The following BCKDHB variants were observed in gnomAD, a reference collection of about 807,000 sequenced individuals.
BCKDHB encodes branched chain keto acid dehydrogenase E1 subunit beta, also known as 2-oxoisovalerate dehydrogenase subunit beta, mitochondrial.
In BCKDHB, 41 loss-of-function variants were observed where a neutral mutation model predicts 48.5. The ratio of observed to expected loss-of-function variants is 0.85; its 90% confidence interval spans 0.66 to 1.10. BCKDHB has a LOEUF of 1.10. BCKDHB is among the 50% of genes least tolerant of loss of function. The probability of loss-of-function intolerance (pLI) is 0.00; values close to 1 mark genes in which losing one functional copy is unlikely to be tolerated. For synonymous variants in BCKDHB, 201 were observed against 174.8 expected, an observed-to-expected ratio of 1.15 and a Z score of -1.18; for missense variants, 496 against 494.2, an observed-to-expected ratio of 1.00 and a Z score of -0.03.
rs76272821 is a variant in BCKDHB, at chr6:80,321,654, T to G, written c.1039-22010T>G. 1.9e-4 allele frequency among the ~76,000 whole-genome samples: 29 copies of G among 152,332 alleles called. No homozygotes were observed. In the East Asian group the frequency reaches 5.6e-3, roughly 29 times the overall value. On this transcript the variant is annotated intron_variant, in intron 9 of 9. Transcript: ENST00000320393. ...CCAGAGACTTGAACTTTGCCTAAAG[T>G]TTAAAACAGGAATTTTTTAAATCCC... is the stretch of plus-strand genomic sequence containing the variant.
intron 9 of BCKDHB, among the ~76,000 whole-genome samples, chr6:80,332,566 T>C (rs1350756100): frequency 6.6e-6 from 1 of 152,130 alleles, no homozygotes; most frequent in Non-Finnish European, 1.5e-5. Flanking sequence ...AAATATTTTC[T>C]AATCTGTCAA....
intron 9 of BCKDHB, among the ~76,000 whole-genome samples, chr6:80,275,741 C>A (rs767147495): frequency 3.3e-5 from 5 of 151,796 alleles, no homozygotes; most frequent in Non-Finnish European, 7.4e-5. Context: ...ATATACCTTT[C>A]AGTAACTCTT....
chr6:80,393,957 CAT>C, the BCKDHB span, among the ~76,000 whole-genome samples: 19 of 152,252 alleles, frequency 1.2e-4, no homozygotes, highest in African/African-American at 1.4e-4. Context: ...CACCTTCACA[CAT>C]GTTTGTTCTT....
chr6:80,363,176 A>G, the BCKDHB span, among the ~76,000 whole-genome samples: 7 of 152,314 alleles, frequency 4.6e-5, no homozygotes, highest in South Asian at 1.5e-3. Context: ...ATTTTTAGCA[A>G]AACAAATAGT....
chr6:80,402,909 A>G, the BCKDHB span, among the ~76,000 whole-genome samples: 1 of 151,760 alleles, frequency 6.6e-6, no homozygotes, highest in Non-Finnish European at 1.5e-5. Context: ...AGATTAGTTG[A>G]TCAGATATGT....
chr6:80,392,566 G>A, the BCKDHB span, among the ~76,000 whole-genome samples: 2 of 151,374 alleles, frequency 1.3e-5, no homozygotes, highest in Non-Finnish European at 2.9e-5. Flanking sequence ...TGTTCTTAAT[G>A]TTTATTTTTA....
intron 9 of BCKDHB, among the ~76,000 whole-genome samples, chr6:80,337,741 A>G (rs1001239383): frequency 1.3e-5 from 2 of 152,126 alleles, no homozygotes; most frequent in Admixed American, 6.6e-5. Context: ...AGTAATTTAA[A>G]TGTTTATTTT....
At chr6:80,286,982 A>G (rs1055997740) in intron 9 of BCKDHB, among the ~76,000 whole-genome samples, 1 of 152,178 alleles carries the variant, frequency 6.6e-6, no homozygotes, top group African/African-American at 2.4e-5. Context: ...TCTTTCAAAA[A>G]GAAATGTTCA....
intron 9 of BCKDHB, among the ~76,000 whole-genome samples, chr6:80,329,433 A>G (rs1177541980): frequency 6.6e-6 from 1 of 152,142 alleles, no homozygotes; most frequent in African/African-American, 2.4e-5. Context: ...GGTTTCCTGG[A>G]GAGTCTTGTA....
chr6:80,169,940 C>T, intron 5 of BCKDHB: 1 of 1,485,136 alleles, frequency 6.7e-7, no homozygotes, highest in Non-Finnish European at 8.9e-7. Context: ...AACATTAATT[C>T]ACATTTAATA....
intron 9 of BCKDHB, among the ~76,000 whole-genome samples, chr6:80,323,154 T>A (rs1271672939): frequency 5.3e-5 from 8 of 152,146 alleles, no homozygotes; most frequent in African/African-American, 1.9e-4. Flanking sequence ...CTCATAGGGC[T>A]CATGACAATT....
At chr6:80,463,323 A>T in the BCKDHB span, 1 of 152,174 alleles carries the variant, frequency 6.6e-6, no homozygotes, top group Non-Finnish European at 1.5e-5. Context: ...AATTTAAAGG[A>T]TACTCCATGT....
At chr6:80,113,285 C>T (rs373684784) in intron 1 of BCKDHB, among the ~76,000 whole-genome samples, 13 of 152,212 alleles carry the variant, frequency 8.5e-5, no homozygotes, top group Admixed American at 1.3e-4. Flanking sequence ...GCAGCTATCC[C>T]CCTTGGCCTT....
At chr6:80,185,162 G>A (rs1334667730) in intron 6 of BCKDHB, among the ~76,000 whole-genome samples, 4 of 152,030 alleles carry the variant, frequency 2.6e-5, no homozygotes, top group Non-Finnish European at 5.9e-5. Flanking sequence ...TGTAAGCCTT[G>A]TCTTTGAGCT....
At chr6:80,431,570 T>G in the BCKDHB span, among the ~76,000 whole-genome samples, 1 of 152,256 alleles carries the variant, frequency 6.6e-6, no homozygotes, top group African/African-American at 2.4e-5. Flanking sequence ...TTTACCATTA[T>G]GTAATGCCCT....
chr6:80,432,988 G>C, the BCKDHB span, among the ~76,000 whole-genome samples: 1 of 152,142 alleles, frequency 6.6e-6, no homozygotes, highest in Non-Finnish European at 1.5e-5. Flanking sequence ...ATCACCAGTG[G>C]AGGCTGCAGA....
At chr6:80,291,072 C>T (rs1043467303) in intron 9 of BCKDHB, among the ~76,000 whole-genome samples, 86 of 152,328 alleles carry the variant, frequency 5.6e-4, no homozygotes, top group African/African-American at 1.9e-3. Flanking sequence ...TTGTGCCAAC[C>T]TCCTATCTCA....
At chr6:80,131,679 A>G (rs1329216285) in intron 3 of BCKDHB, among the ~76,000 whole-genome samples, 3 of 150,700 alleles carry the variant, frequency 2.0e-5, no homozygotes, top group Admixed American at 6.6e-5. Context: ...GTCTCGCTCT[A>G]TCGCCCAGGC....
intron 9 of BCKDHB, among the ~76,000 whole-genome samples, chr6:80,281,448 C>T (rs1455968968): frequency 6.6e-6 from 1 of 152,106 alleles, no homozygotes; most frequent in Non-Finnish European, 1.5e-5. Flanking sequence ...CAGCTAAAGA[C>T]TAATGGTCCT....
Sources: gnomAD v4.1 joint callset for allele counts (sites outside exome capture counted in the v4.1 genomes callset) on GRCh38, gnomAD v4.1.1 for gene constraint, MANE v1.5 for transcripts, NCBI Gene and HGNC (gene_info 2026-07-23, HGNC 2026-07-21) for gene names.